The following GATAD2A variants were observed in gnomAD, a reference collection of about 807,000 sequenced individuals.
The protein encoded by GATAD2A is GATA zinc finger domain containing 2A, also known as transcriptional repressor p66-alpha.
A neutral mutation model predicts 68.5 loss-of-function variants in GATAD2A; 12 were observed. The ratio of observed to expected loss-of-function variants is 0.18; its 90% CI spans 0.11 to 0.28. The LOEUF is 0.28. Among genes scored for constraint, GATAD2A ranks in the 10% least tolerant of loss-of-function variants. The pLI is 1.00. For synonymous variants in GATAD2A, 410 were observed against 375.3 expected, an observed-to-expected ratio of 1.09 and a Z score of -1.07; for missense variants, 755 against 868.5, an observed-to-expected ratio of 0.87 and a Z score of 1.64.
At chr19:19,469,962 A>G (rs1053374851) in intron 2 of GATAD2A, among the ~76,000 whole-genome samples, 5 of 142,450 alleles carry the variant, frequency 3.5e-5, no homozygotes, top group East Asian at 4.3e-4. Context: ...AAAAAAAAAG[A>G]AGCAAGATTC....
intron 7 of GATAD2A, among the ~76,000 whole-genome samples, chr19:19,496,690 T>G (rs762477680): frequency 1.3e-4 from 20 of 152,204 alleles, no homozygotes; most frequent in Non-Finnish European, 2.8e-4. Flanking sequence ...GTGCGCCTAT[T>G]CTTAGCCGCA....
At chr19:19,419,168 C>T (rs1252948090) in intron 1 of GATAD2A, among the ~76,000 whole-genome samples, 2 of 151,982 alleles carry the variant, frequency 1.3e-5, no homozygotes, top group Non-Finnish European at 2.9e-5. Flanking sequence ...GGGATGTCTG[C>T]ACACACTCCC....
Position 19,498,367 on chromosome 19 carries a change from C to T in GATAD2A, c.925-76C>T, listed in dbSNP as rs76916669. 1,791 of 1,412,960 alleles carry T rather than the reference C, an allele frequency of 1.3e-3. 14 individuals carry two copies. The African/African-American group carries it at 0.022, about 17-fold the overall frequency. 87.5% of individuals were successfully genotyped at this position (1,412,960 alleles called of 1,614,324 possible). Reference sequence around the variant, plus strand: ...CTGGTTAGTGCAGTTGACAGGACCTCGGGCTTCGGGGCGCTGGGGAGCCTT... The same window carrying T: ...CTGGTTAGTGCAGTTGACAGGACCTTGGGCTTCGGGGCGCTGGGGAGCCTT... On this transcript the variant is annotated intron_variant, in intron 7 of 11. Coordinates refer to ENST00000683918, the MANE Select transcript of GATAD2A (RefSeq NM_001384528.1).
rs900767750 is a variant in GATAD2A, at chr19:19,391,228, GA to G, written c.-7+5094del. Among the ~76,000 whole-genome samples, 94 of 152,316 alleles carry G rather than the reference GA, an allele frequency of 6.2e-4. 2 individuals carry two copies. The highest frequency in any genetic ancestry group is 5.2e-4 in the Admixed American group (8 of 15,290). ...TAAAACCCAGGAGGAAATAATGGGT[GA>G]AAATCTGAACTAGGCCCCTGGTGGG... is the stretch of plus-strand genomic sequence containing the variant. On this transcript the variant is annotated intron_variant, in intron 1 of 11. Coordinates refer to the GATAD2A transcript ENST00000360315.
intron 1 of GATAD2A, among the ~76,000 whole-genome samples, chr19:19,463,868 C>T (rs1241073540): frequency 1.3e-5 from 2 of 152,228 alleles, no homozygotes; most frequent in Admixed American, 6.5e-5. Context: ...CCCTCTGGCT[C>T]CAGGAGCGTG....
At chr19:19,476,323 C>T (rs188610270) in intron 2 of GATAD2A, among the ~76,000 whole-genome samples, 30 of 152,344 alleles carry the variant, frequency 2.0e-4, no homozygotes, top group Admixed American at 5.9e-4. Flanking sequence ...TTCTGTTTTG[C>T]TGCTGCGGCT....
intron 2 of GATAD2A, among the ~76,000 whole-genome samples, chr19:19,471,168 A>G (rs1372340389): frequency 6.6e-6 from 1 of 151,050 alleles, no homozygotes; most frequent in Non-Finnish European, 1.5e-5. Context: ...AGGAGGGAGA[A>G]TTGTTTGAAC....
At chr19:19,461,689 C>T (rs1393403868) in intron 1 of GATAD2A, among the ~76,000 whole-genome samples, 1 of 152,230 alleles carries the variant, frequency 6.6e-6, no homozygotes, top group East Asian at 1.9e-4. Context: ...CACCACCTGC[C>T]AGCCCAGTGT....
chr19:19,409,222 G>A (rs543163431), intron 1 of GATAD2A, among the ~76,000 whole-genome samples: 2 of 152,140 alleles, frequency 1.3e-5, no homozygotes, highest in South Asian at 4.2e-4. Flanking sequence ...CTTGGACTCG[G>A]GGTGTTTCTG....
chr19:19,492,941 CTTTTT>C (rs11304753), intron 4 of GATAD2A, among the ~76,000 whole-genome samples: 2 of 134,024 alleles, frequency 1.5e-5, no homozygotes, highest in Admixed American at 7.4e-5. Flanking sequence ...CTAAAGCTCA[CTTTTT>C]TTTTTTTTTT....
At chr19:19,502,941 G>A (rs2060637547) in intron 11 of GATAD2A, among the ~76,000 whole-genome samples, 1 of 152,206 alleles carries the variant, frequency 6.6e-6, no homozygotes, top group South Asian at 2.1e-4. Context: ...ACTGAGTGGT[G>A]CAAAGTAGAA....
intron 1 of GATAD2A, among the ~76,000 whole-genome samples, chr19:19,388,478 C>T (rs746876718): frequency 3.3e-5 from 5 of 152,044 alleles, no homozygotes; most frequent in Non-Finnish European, 5.9e-5. Flanking sequence ...ACTTTTATTT[C>T]GGTTTCCAGG....
chr19:19,429,195 G>C, intron 1 of GATAD2A: 1 of 985,246 alleles, frequency 1.0e-6, no homozygotes, highest in Non-Finnish European at 1.2e-6. Context: ...TGGGATGCTC[G>C]ATTTCAAGTA....
At chr19:19,406,640 T>G (rs925492779) in intron 1 of GATAD2A, among the ~76,000 whole-genome samples, 3 of 152,302 alleles carry the variant, frequency 2.0e-5, no homozygotes, top group Admixed American at 1.3e-4. Context: ...TGCCTCCCCA[T>G]CTAGGCGGTG....
intron 1 of GATAD2A, among the ~76,000 whole-genome samples, chr19:19,388,544 T>TC (rs1032106181): frequency 2.6e-5 from 4 of 151,896 alleles, no homozygotes; most frequent in Non-Finnish European, 5.9e-5. Context: ...TTTCCTCATG[T>TC]CCCTCTAAGA....
chr19:19,472,012 G>T (rs2058349754), intron 2 of GATAD2A, among the ~76,000 whole-genome samples: 1 of 152,070 alleles, frequency 6.6e-6, no homozygotes, highest in Non-Finnish European at 1.5e-5. Flanking sequence ...TCAAGTAGGT[G>T]GGACCATAGA....
intron 1 of GATAD2A, among the ~76,000 whole-genome samples, chr19:19,425,954 AT>A: frequency 6.6e-6 from 1 of 151,910 alleles, no homozygotes; most frequent in African/African-American, 2.4e-5. Context: ...CGCCTGGCTA[AT>A]TTTTGTATTT....
intron 1 of GATAD2A, among the ~76,000 whole-genome samples, chr19:19,390,949 CGAG>C (rs1323018702): frequency 6.6e-6 from 1 of 152,028 alleles, no homozygotes; most frequent in Non-Finnish European, 1.5e-5. Context: ...TTAGTGCCCA[CGAG>C]GAGATCAGAA....
chr19:19,429,068 G>C (rs2053431030), intron 1 of GATAD2A, among the ~76,000 whole-genome samples: 1 of 150,540 alleles, frequency 6.6e-6, no homozygotes, highest in South Asian at 2.1e-4. Flanking sequence ...TCTTGGTTGG[G>C]TCCTGACAAC....
Sources: allele counts gnomAD v4.1 joint callset (sites outside exome capture counted in the v4.1 genomes callset), GRCh38; gene constraint gnomAD v4.1.1; transcripts MANE v1.5; gene names NCBI Gene and HGNC (gene_info 2026-07-23, HGNC 2026-07-21).